Variants in DOCK8 observed in about 807,000 individuals in gnomAD.
DOCK8 encodes dedicator of cytokinesis protein 8.
DOCK8 carries 141 observed loss-of-function variants against 245.6 expected under a neutral mutation model. The observed-to-expected ratio is 0.57, with a 90% CI of 0.50 to 0.66. The LOEUF (loss-of-function observed/expected upper bound fraction) is 0.66, where lower values mean the gene tolerates loss of function less well. DOCK8 is among the 30% of genes least tolerant of loss of function. The pLI, the probability that DOCK8 is intolerant of heterozygous loss-of-function variation, is 0.00. For missense variants in DOCK8, 2,965 were observed against 2,603.4 expected (o/e 1.14, Z -3.02); for synonymous variants, 1,168 against 970.2 (o/e 1.20, Z -3.79).
At chr9:399,816 T>A (rs1053973582) in intron 26 of DOCK8, among the ~76,000 whole-genome samples, 1 of 151,952 alleles carries the variant, frequency 6.6e-6, no homozygotes, top group African/African-American at 2.4e-5. Context: ...GCTGTCTCCC[T>A]CAAACTACCT....
intron 18 of DOCK8, among the ~76,000 whole-genome samples, chr9:372,674 T>C (rs1167403126): frequency 6.6e-6 from 1 of 152,162 alleles, no homozygotes; most frequent in Admixed American, 6.5e-5. Context: ...GTCACAGCCC[T>C]CCGGTAGATA....
Position 429,816 on chromosome 9 carries a change from C to A in DOCK8, c.4588C>A (p.Leu1530Ile), listed in dbSNP as rs536373496. 6.2e-7 allele frequency: 1 copy of A among 1,614,054 alleles called. No homozygotes were observed. Among genetic ancestry groups the A allele is most frequent in the Non-Finnish European group, 8.5e-7 (1 of 1,180,042 alleles). ...DVTRSQACAT[L>I]YLLMRFSFGA... is the part of the protein sequence containing the mutation. ...CACCCGGAGCCAAGCCTGTGCCACC[C>A]TTTACCTCCTCATGAGGTTCAGTTT... is the stretch of plus-strand genomic sequence containing the variant. The change falls in exon 36 of 48, where the codon CTT (leucine) becomes ATT (isoleucine). Residue 1530 changes from leucine (L) to isoleucine (I), a missense_variant. Leu to Ile is a conservative substitution (Grantham distance 5). Transcript: ENST00000432829.
chr9:374,277 A>G (rs1481069704), intron 18 of DOCK8, among the ~76,000 whole-genome samples: 4 of 152,172 alleles, frequency 2.6e-5, no homozygotes, highest in Admixed American at 6.5e-5. Flanking sequence ...TGAGGAAAAT[A>G]TGGCTAGTTC....
chr9:398,891 T>C (rs2054593637), intron 25 of DOCK8, among the ~76,000 whole-genome samples: 1 of 151,674 alleles, frequency 6.6e-6, no homozygotes, highest in East Asian at 1.9e-4. Context: ...ATTATACACA[T>C]ATAAATATGC....
At chr9:400,374 CT>C (rs1284240219) in intron 26 of DOCK8, among the ~76,000 whole-genome samples, 37 of 78,352 alleles carry the variant, frequency 4.7e-4, no homozygotes, top group Admixed American at 7.6e-4. Flanking sequence ...TCACCACCTC[CT>C]TCACCATCAC....
At chr9:373,936 C>G (rs1388525558) in intron 18 of DOCK8, among the ~76,000 whole-genome samples, 1 of 152,174 alleles carries the variant, frequency 6.6e-6, no homozygotes, top group African/African-American at 2.4e-5. Context: ...TCTTTTTAAG[C>G]TATAGGAAAG....
At chr9:276,183 G>A (rs193033655) in intron 2 of DOCK8, among the ~76,000 whole-genome samples, 26 of 148,410 alleles carry the variant, frequency 1.8e-4, no homozygotes, top group East Asian at 9.6e-4. Flanking sequence ...GAGCCACTGC[G>A]CTCGGCCCAT....
intron 27 of DOCK8, among the ~76,000 whole-genome samples, chr9:406,311 A>G (rs1414700998): frequency 6.6e-6 from 1 of 152,068 alleles, no homozygotes; most frequent in African/African-American, 2.4e-5. Flanking sequence ...CAACATGATG[A>G]AAACTCATAT....
intron 2 of DOCK8, among the ~76,000 whole-genome samples, chr9:273,729 G>A (rs1547693): frequency 2.7e-5 from 4 of 148,272 alleles, no homozygotes; most frequent in South Asian, 4.2e-4. Flanking sequence ...CTCTTGTCAC[G>A]CAGGCTGGAG....
intron 14 of DOCK8, among the ~76,000 whole-genome samples, chr9:343,620 A>C (rs1360941857): frequency 6.6e-6 from 1 of 152,236 alleles, no homozygotes; most frequent in African/African-American, 2.4e-5. Context: ...TTCCTGGAGC[A>C]GCTCTTCATT....
At position 372,118 on chromosome 9, in the gene DOCK8, C is replaced by G. The variant is rs1586827664; in HGVS notation, c.2008-67C>G. The G allele has an allele frequency of 8.7e-6, 12 of 1,374,358 alleles. No homozygotes were observed. The East Asian group carries it at 9.2e-5, about 11-fold the overall frequency. The allele number at this position is 1,374,358 out of a possible 1,614,324, so 85.1% of individuals were successfully genotyped here. A position where few individuals can be genotyped will look rare whatever the true frequency, so the allele number is the denominator to read the frequency against. ...TTTAGTTGCATTTGATTATTGCGAG[C>G]TAGATAAATTATCAGAATTATATGC... is the stretch of plus-strand genomic sequence containing the variant. On this transcript the variant is annotated intron_variant, in intron 17 of 47. Transcript: ENST00000432829.
intron 1 of DOCK8, among the ~76,000 whole-genome samples, chr9:270,662 A>C (rs772881348): frequency 5.9e-5 from 9 of 152,240 alleles, no homozygotes; most frequent in Admixed American, 1.3e-4. Context: ...TAAGTATTAC[A>C]TCTAAAGTTA....
At chr9:408,876 A>G (rs62531895) in intron 28 of DOCK8, among the ~76,000 whole-genome samples, 750 of 70,610 alleles carry the variant, frequency 0.011, 9 homozygotes, top group African/African-American at 0.035. Flanking sequence ...ACACACACAC[A>G]CACACACACA....
intron 1 of DOCK8, among the ~76,000 whole-genome samples, chr9:222,526 G>A (rs886270466): frequency 2.6e-5 from 4 of 152,072 alleles, no homozygotes; most frequent in East Asian, 1.9e-4. Flanking sequence ...CACCCCCACC[G>A]AGTTTTATCA....
chr9:439,165 G>A (rs1564070107), intron 39 of DOCK8, 80 bp from the exon 40 acceptor site: 30 of 1,586,670 alleles, frequency 1.9e-5, no homozygotes, highest in South Asian at 1.0e-4. Flanking sequence ...CAGCTTCCTC[G>A]TTTCCCCATT....
intron 28 of DOCK8, among the ~76,000 whole-genome samples, chr9:413,353 T>A (rs1406955239): frequency 6.6e-6 from 1 of 152,036 alleles, no homozygotes; most frequent in East Asian, 1.9e-4. Flanking sequence ...AAGGCAGTGG[T>A]TTCTTAGATA....
In DOCK8 at chr9:299,630, AT is replaced by A. The variant is rs896000010; in HGVS notation, c.405-4941del. Among the ~76,000 whole-genome samples, 1,017 of 147,744 alleles carry A rather than the reference AT, an allele frequency of 6.9e-3. 16 individuals carry two copies. Among genetic ancestry groups the A allele is most frequent in the African/African-American group, 0.024 (966 of 40,288 alleles). ...TTCCTTATTCAGAGTTCACCTGTTT[AT>A]TTTTTTTTTCATTTCCCCAATTTAG... On this transcript the variant is annotated intron_variant, in intron 4 of 47. Coordinates refer to ENST00000432829, the MANE Select transcript of DOCK8 (RefSeq NM_203447.4).
intron 6 of DOCK8, among the ~76,000 whole-genome samples, chr9:315,333 A>G (rs2050296947): frequency 6.6e-6 from 1 of 152,204 alleles, no homozygotes; most frequent in South Asian, 2.1e-4. Flanking sequence ...TTGCTTGGGA[A>G]TTAGTTGCCA....
intron 1 of DOCK8, among the ~76,000 whole-genome samples, chr9:264,111 C>G (rs771884777): frequency 1.3e-5 from 2 of 152,200 alleles, no homozygotes; most frequent in Non-Finnish European, 2.9e-5. Context: ...TGGAAAGACT[C>G]TCTTTTCTTT....
Sources: allele counts gnomAD v4.1 joint callset (sites outside exome capture counted in the v4.1 genomes callset), GRCh38; gene constraint gnomAD v4.1.1; transcripts MANE v1.5; gene names NCBI Gene and HGNC (gene_info 2026-07-23, HGNC 2026-07-21).